C12orf50: variants seen among roughly 807,000 people sequenced by gnomAD.
The protein encoded by C12orf50 is uncharacterized protein C12orf50.
A neutral mutation model predicts 61.6 loss-of-function variants in C12orf50; 35 were observed. That is an observed-to-expected ratio of 0.57 (90% confidence interval 0.43 to 0.75). C12orf50 has a LOEUF of 0.75. Ranked by LOEUF, C12orf50 falls within the 30% of genes least tolerant of loss-of-function variation. C12orf50 has a pLI of 0.00. For synonymous variants in C12orf50, 178 were observed against 161.5 expected, an observed-to-expected ratio of 1.10 and a Z score of -0.77; for missense variants, 475 against 488.5, an observed-to-expected ratio of 0.97 and a Z score of 0.26.
intron 6 of C12orf50, among the ~76,000 whole-genome samples, chr12:87,996,075 A>AG (rs1352290012): frequency 6.6e-6 from 1 of 152,148 alleles, no homozygotes; most frequent in Non-Finnish European, 1.5e-5. Context: ...CCTCTTTGGC[A>AG]GGGGGATTTA....
Position 87,983,107 on chromosome 12 carries a change from A to T in C12orf50, c.1215T>A (p.Tyr405Ter), listed in dbSNP as rs569464616. 11 of 1,562,318 alleles carry T rather than the reference A, an allele frequency of 7.0e-6. No individual in the cohort carries two copies. In the South Asian group the frequency reaches 1.2e-4, roughly 18 times the overall value. The change falls in exon 12 of 13, where the codon TAT (tyrosine) becomes TAA (stop). Residue 405 changes from tyrosine (Y) to a stop codon, truncating the protein, a stop_gained. Coordinates refer to ENST00000298699, the MANE Select transcript of C12orf50 (RefSeq NM_152589.3). LOFTEE classifies it high-confidence loss of function. The part of the protein sequence containing the change: ...SKTYSKSEKI[Y>*]PEPRRNGSK ...AAACCACTTATAAATAGTTACCTGG[A>T]TATATCTTTTCACTTTTTGAATATG...
rs113041551 is a variant in C12orf50, at chr12:87,992,232, C to T, written c.592+2401G>A. Among the ~76,000 whole-genome samples the T allele has an allele frequency of 1.4e-4, 22 of 152,148 alleles. 1 individual carries two copies. The highest frequency in any genetic ancestry group is 3.4e-4 in the African/African-American group (14 of 41,506). On this transcript the variant is annotated intron_variant, in intron 7 of 12. Transcript: ENST00000298699. ...AATATACCAGGATGAGTAATTTCTACGATTTAAGATTATAATCTGTGTGAG... is the reference window on the plus strand; with the variant it reads ...AATATACCAGGATGAGTAATTTCTATGATTTAAGATTATAATCTGTGTGAG...
intron 3 of C12orf50, among the ~76,000 whole-genome samples, chr12:87,999,039 T>C: frequency 6.6e-6 from 1 of 152,098 alleles, no homozygotes; most frequent in East Asian, 1.9e-4. Flanking sequence ...GAAAAGTTTT[T>C]TAGATATGAC....
At chr12:87,994,003 C>T (rs1200953973) in intron 7 of C12orf50, among the ~76,000 whole-genome samples, 1 of 151,890 alleles carries the variant, frequency 6.6e-6, no homozygotes, top group Non-Finnish European at 1.5e-5. Flanking sequence ...AGTTTGAGGC[C>T]AGCCTGACCA....
At chr12:87,984,757 A>C (rs750603421) in intron 11 of C12orf50, 1 of 152,168 alleles carries the variant, frequency 6.6e-6, no homozygotes, top group Non-Finnish European at 1.5e-5. Context: ...ATTTGCACTA[A>C]TGGTGCAAAA....
At chr12:88,008,375 TC>T (rs1174623664) in intron 3 of C12orf50, among the ~76,000 whole-genome samples, 1 of 152,202 alleles carries the variant, frequency 6.6e-6, no homozygotes, top group African/African-American at 2.4e-5. Context: ...TCCATCCGTG[TC>T]CCTGCAAAGA....
chr12:88,007,198 A>T (rs1322251622), intron 3 of C12orf50, among the ~76,000 whole-genome samples: 1 of 152,162 alleles, frequency 6.6e-6, no homozygotes, highest in Non-Finnish European at 1.5e-5. Flanking sequence ...CATAGATACA[A>T]TTTTCAAATA....
chr12:87,983,380 GTTTT>G (rs572905111), intron 11 of C12orf50, 185 bp from the exon 12 acceptor site: 77 of 343,240 alleles, frequency 2.2e-4, no homozygotes, highest in African/African-American at 1.6e-3. Flanking sequence ...AAGTGAGCAT[GTTTT>G]TTTTTGTTTT....
At chr12:88,013,584 T>C (rs1056182013) in intron 3 of C12orf50, among the ~76,000 whole-genome samples, 3 of 152,110 alleles carry the variant, frequency 2.0e-5, no homozygotes, top group Non-Finnish European at 4.4e-5. Context: ...TCCCAAATGG[T>C]TCCAAAAAAA....
chr12:87,986,516 A>G, intron 9 of C12orf50, 100 bp from the exon 10 acceptor site: 3 of 771,774 alleles, frequency 3.9e-6, no homozygotes, highest in Non-Finnish European at 5.9e-6. Flanking sequence ...CATGTCAAGC[A>G]AGAGGAAAAA....
At chr12:88,013,007 T>A (rs906661768) in intron 3 of C12orf50, among the ~76,000 whole-genome samples, 1 of 152,034 alleles carries the variant, frequency 6.6e-6, no homozygotes, top group Non-Finnish European at 1.5e-5. Context: ...AAGGAAGCAG[T>A]GAGCTGTGTT....
At chr12:88,008,694 C>T (rs948462580) in intron 3 of C12orf50, among the ~76,000 whole-genome samples, 1 of 151,978 alleles carries the variant, frequency 6.6e-6, no homozygotes, top group African/African-American at 2.4e-5. Context: ...TATATTGTAA[C>T]AAGTATCACA....
intron 8 of C12orf50, among the ~76,000 whole-genome samples, chr12:87,988,211 C>G (rs989342983): frequency 3.3e-5 from 5 of 152,004 alleles, no homozygotes; most frequent in Non-Finnish European, 7.4e-5. Flanking sequence ...AATAAAAAAT[C>G]GTGGCAGTAT....
chr12:88,024,685 G>A (rs2032638608), intron 3 of C12orf50, among the ~76,000 whole-genome samples: 1 of 152,040 alleles, frequency 6.6e-6, no homozygotes, highest in African/African-American at 2.4e-5. Context: ...TATTACCCAG[G>A]TGATGAAATT....
Position 87,998,241 on chromosome 12 carries a change from A to G in C12orf50, c.134-51T>C, listed in dbSNP as rs112520936. On this transcript the variant is annotated intron_variant, in intron 3 of 12. Transcript: ENST00000298699. ...TCTGTTCAAGATATATGTGATGATA[A>G]GTAGATGTAACAATCAATCATTGCC... The G allele has an allele frequency of 9.5e-5, 138 of 1,446,206 alleles. No homozygotes were observed. The African/African-American group carries it at 1.4e-3, about 14-fold the overall frequency. The allele number at this position is 1,446,206 out of a possible 1,614,324, so 89.6% of individuals were successfully genotyped here. A position where few individuals can be genotyped will look rare whatever the true frequency, so the allele number is the denominator to read the frequency against.
At chr12:87,982,798 C>CAAA (rs35641230) in intron 12 of C12orf50, among the ~76,000 whole-genome samples, 1 of 113,872 alleles carries the variant, frequency 8.8e-6, no homozygotes, top group Non-Finnish European at 1.9e-5. Flanking sequence ...CGCAGCACAG[C>CAAA]AAAAAAAAAA....
At chr12:87,988,668 A>T (rs1210924055) in intron 8 of C12orf50, among the ~76,000 whole-genome samples, 2 of 152,152 alleles carry the variant, frequency 1.3e-5, no homozygotes, top group African/African-American at 4.8e-5. Flanking sequence ...TATGCTTGAG[A>T]TATTTAATGG....
intron 11 of C12orf50, chr12:87,983,763 GC>G (rs1233672863): frequency 6.9e-6 from 1 of 145,388 alleles, no homozygotes; most frequent in African/African-American, 2.4e-5. Flanking sequence ...GTGTATATGT[GC>G]CACATTTTCT....
At chr12:88,009,897 T>C (rs1393127557) in intron 3 of C12orf50, among the ~76,000 whole-genome samples, 3 of 152,154 alleles carry the variant, frequency 2.0e-5, no homozygotes, top group African/African-American at 7.2e-5. Flanking sequence ...TCTGAAATGG[T>C]CAATATTTTG....
Sources: gnomAD v4.1 joint callset for allele counts (sites outside exome capture counted in the v4.1 genomes callset) on GRCh38, gnomAD v4.1.1 for gene constraint, MANE v1.5 for transcripts, NCBI Gene and HGNC (gene_info 2026-07-23, HGNC 2026-07-21) for gene names.